PCDHGA7: variants seen among roughly 807,000 people sequenced by gnomAD.
PCDHGA7 encodes protocadherin gamma subfamily A, 7.
PCDHGA7 carries 44 observed loss-of-function variants against 58.3 expected under a neutral mutation model. The ratio of observed to expected loss-of-function variants is 0.75; its 90% CI spans 0.59 to 0.97. The LOEUF (loss-of-function observed/expected upper bound fraction) is 0.97. PCDHGA7 is among the 50% of genes least tolerant of loss of function. PCDHGA7 has a pLI of 0.00. For missense variants in PCDHGA7, 1,266 were observed against 1,188.7 expected, an observed-to-expected ratio of 1.06 and a Z score of -0.96; for synonymous variants, 516 against 504.2, an observed-to-expected ratio of 1.02 and a Z score of -0.31.
chr5:141,389,491 G>C, intron 1 of PCDHGA7: 1 of 1,612,994 alleles, frequency 6.2e-7, no homozygotes, highest in Non-Finnish European at 8.5e-7. Context: ...CGCGACCAGG[G>C]CTCGCCAGCG....
chr5:141,415,522 C>T, intron 1 of PCDHGA7: 1 of 1,614,178 alleles, frequency 6.2e-7, no homozygotes, highest in African/African-American at 1.3e-5. Flanking sequence ...TGCGGACACG[C>T]TCATCAGCCA....
intron 1 of PCDHGA7, among the ~76,000 whole-genome samples, chr5:141,467,809 C>T (rs1026263094): frequency 6.6e-6 from 1 of 152,056 alleles, no homozygotes. Flanking sequence ...CAGGCACATG[C>T]CACCACACCA....
At chr5:141,399,125 T>C in intron 1 of PCDHGA7, 1 of 1,613,834 alleles carries the variant, frequency 6.2e-7, no homozygotes, top group South Asian at 1.1e-5. Context: ...GAAATTAATA[T>C]TCAAGATGAA....
intron 1 of PCDHGA7, chr5:141,421,421 T>A (rs982627903): frequency 6.2e-7 from 1 of 1,613,876 alleles, no homozygotes; most frequent in Non-Finnish European, 8.5e-7. Flanking sequence ...AAGCGCGGAG[T>A]CCGCATCGTC....
intron 1 of PCDHGA7, chr5:141,428,236 G>A (rs1474911413): frequency 9.7e-7 from 1 of 1,026,978 alleles, no homozygotes; most frequent in Admixed American, 1.9e-5. Context: ...CAGCCTGCAG[G>A]AGGCACTGCC....
At chr5:141,423,666 A>G in intron 1 of PCDHGA7, 1 of 1,494,380 alleles carries the variant, frequency 6.7e-7, no homozygotes, top group Non-Finnish European at 8.9e-7. Context: ...ATCAGGTGAG[A>G]TTTATTTCTC....
At chr5:141,450,836 T>A (rs991599340) in intron 1 of PCDHGA7, among the ~76,000 whole-genome samples, 2 of 149,760 alleles carry the variant, frequency 1.3e-5, no homozygotes, top group African/African-American at 4.9e-5. Flanking sequence ...ATTATTTTTT[T>A]TTTTTTGAGA....
Position 141,382,863 on chromosome 5 carries a change from C to G in PCDHGA7, c.-37C>G, listed in dbSNP as rs1214467888. 4 of 1,516,660 alleles carry G rather than the reference C, an allele frequency of 2.6e-6. No homozygotes were observed. The South Asian group carries it at 4.0e-5, about 15-fold the overall frequency. The allele number at this position is 1,516,660 out of a possible 1,614,324, so 94.0% of individuals were successfully genotyped here. On this transcript the variant is annotated 5_prime_UTR_variant, in exon 1 of 4. Coordinates refer to ENST00000518325, the MANE Select transcript of PCDHGA7 (RefSeq NM_018920.4). ...ATACACCCGCATTCTGAAGCACTTC[C>G]CGAGATCGGCGCCTAAGCAAGAGAA... is the stretch of plus-strand genomic sequence containing the variant.
At chr5:141,407,898 A>G in intron 1 of PCDHGA7, 1 of 407,470 alleles carries the variant, frequency 2.5e-6, no homozygotes, top group Non-Finnish European at 4.3e-6. Context: ...CGAATTCAAA[A>G]TGAAAAACCG....
chr5:141,423,517 T>A (rs750915364), intron 1 of PCDHGA7: 1 of 1,613,834 alleles, frequency 6.2e-7, no homozygotes, highest in Admixed American at 1.7e-5. Context: ...CATTGCGGAC[T>A]CGCAGAAGAG....
At position 141,431,696 on chromosome 5, in the gene PCDHGA7, G is replaced by T; in HGVS notation, c.2424+46373G>T. ...AGGGGAGTTGGACCACGAGGAGTCA[G>T]GATTCTACCAGATGGAAGTGCAAGC... On this transcript the variant is annotated intron_variant, in intron 1 of 3. Transcript: ENST00000518325. The surrounding 1 kb of genome is among the most constrained non-coding windows in gnomAD (Gnocchi z 4.8). 6.2e-7 allele frequency: 1 copy of T among 1,614,238 alleles called. No individual in the cohort carries two copies. Among genetic ancestry groups the T allele is most frequent in the Non-Finnish European group, 8.5e-7 (1 of 1,180,038 alleles).
At chr5:141,450,599 G>T (rs569531886) in intron 1 of PCDHGA7, among the ~76,000 whole-genome samples, 11 of 150,286 alleles carry the variant, frequency 7.3e-5, no homozygotes, top group African/African-American at 2.7e-4. Flanking sequence ...CAATTCTCCT[G>T]CCTCAGCCTC....
chr5:141,398,557 G>A, intron 1 of PCDHGA7: 1 of 1,613,916 alleles, frequency 6.2e-7, no homozygotes. Flanking sequence ...GCAAATAAGT[G>A]AGTCTGCACA....
At position 141,409,547 on chromosome 5, in the gene PCDHGA7, G is replaced by T. The variant is rs760802690; in HGVS notation, c.2424+24224G>T. Reference sequence around the variant, plus strand: ...GTATGTCGCTGACATCAACGACAACGCCCCAGTTTTCGACCAGACGTCCTA... The same window carrying T: ...GTATGTCGCTGACATCAACGACAACTCCCCAGTTTTCGACCAGACGTCCTA... On this transcript the variant is annotated intron_variant, in intron 1 of 3. Coordinates refer to ENST00000518325, the MANE Select transcript of PCDHGA7 (RefSeq NM_018920.4). The T allele has an allele frequency of 2.4e-5, 39 of 1,613,818 alleles. No individual in the cohort carries two copies. The highest frequency in any genetic ancestry group is 3.1e-5 in the Non-Finnish European group (36 of 1,179,900).
At chr5:141,466,809 C>T (rs1187657283) in intron 1 of PCDHGA7, among the ~76,000 whole-genome samples, 2 of 152,102 alleles carry the variant, frequency 1.3e-5, no homozygotes, top group African/African-American at 4.8e-5. Context: ...CCTATTCAGA[C>T]ATGGTATAAC....
intron 1 of PCDHGA7, chr5:141,388,189 G>A: frequency 1.3e-6 from 2 of 1,542,748 alleles, no homozygotes; most frequent in Admixed American, 1.7e-5. Context: ...AAGCCAGCTT[G>A]TGCTCTGGAA....
chr5:141,487,006 G>A lies in PCDHGA7; in HGVS notation c.2425-7801G>A. ...ATGCTTGGGTTTCCTATCAGCTCCT[G>A]GAGGCCCCAGATCCCAGCCTGTTTG... On this transcript the variant is annotated intron_variant, in intron 1 of 3. Transcript: ENST00000518325. This position sits in a 1 kb window ranked among gnomAD's most constrained non-coding sequence, Gnocchi z 5.0. 1 of 1,614,206 alleles carries A rather than the reference G, an allele frequency of 6.2e-7. No homozygotes were observed. The highest frequency in any genetic ancestry group is 8.5e-7 in the Non-Finnish European group (1 of 1,180,042).
chr5:141,450,826 A>ATTTTT (rs764729742), intron 1 of PCDHGA7, among the ~76,000 whole-genome samples: 2 of 134,302 alleles, frequency 1.5e-5, no homozygotes, highest in African/African-American at 2.9e-5. Flanking sequence ...TATTATTATT[A>ATTTTT]TTATTTTTTT....
intron 1 of PCDHGA7, chr5:141,388,512 T>G (rs1342946669): frequency 1.2e-6 from 2 of 1,613,846 alleles, no homozygotes; most frequent in Non-Finnish European, 1.7e-6. Flanking sequence ...ATCCTACCAC[T>G]TGACTTTGAC....
Sources: allele counts gnomAD v4.1 joint callset (sites outside exome capture counted in the v4.1 genomes callset), GRCh38; gene constraint gnomAD v4.1.1; non-coding constraint Gnocchi (gnomAD v3.1); transcripts MANE v1.5; gene names NCBI Gene and HGNC (gene_info 2026-07-23, HGNC 2026-07-21).